The following RBFOX1 variants were observed in gnomAD, a reference collection of about 807,000 sequenced individuals.
RBFOX1 encodes RNA binding protein fox-1 homolog 1.
RBFOX1 carries 8 observed loss-of-function variants against 57.7 expected under a neutral mutation model. The observed-to-expected ratio is 0.14, with a 90% confidence interval of 0.08 to 0.25. RBFOX1 has a LOEUF of 0.25. RBFOX1 is among the 10% of genes least tolerant of loss of function. The pLI is 1.00. For synonymous variants in RBFOX1, 326 were observed against 222.4 expected (o/e 1.47, Z -4.15); for missense variants, 611 against 548.5 (o/e 1.11, Z -1.14).
At chr16:7,679,652 G>T (rs2074243214) in intron 14 of RBFOX1, among the ~76,000 whole-genome samples, 1 of 151,982 alleles carries the variant, frequency 6.6e-6, no homozygotes, top group Non-Finnish European at 1.5e-5. Flanking sequence ...AAGATTCAGG[G>T]ATCTTTGAAA....
chr16:5,866,614 G>C (rs2057348901), intron 3 of RBFOX1, among the ~76,000 whole-genome samples: 1 of 152,190 alleles, frequency 6.6e-6, no homozygotes, highest in Non-Finnish European at 1.5e-5. Flanking sequence ...ATATACAGTA[G>C]GCTTGTAGAT....
chr16:7,462,749 G>A (rs771607084), intron 4 of RBFOX1, among the ~76,000 whole-genome samples: 74 of 152,234 alleles, frequency 4.9e-4, no homozygotes, highest in Non-Finnish European at 8.1e-4. Flanking sequence ...CTGTCAGCAG[G>A]GAGATAGCCC....
Position 7,711,700 on chromosome 16 carries a change from A to C in RBFOX1, c.*955A>C. The C allele has an allele frequency of 6.6e-6, 1 of 152,660 alleles. No homozygotes were observed. The highest frequency in any genetic ancestry group is 2.1e-4 in the South Asian group (1 of 4,834). The allele number at this position is 152,660 out of a possible 1,614,324, so 9.5% of individuals were successfully genotyped here. A position where few individuals can be genotyped will look rare whatever the true frequency, so the allele number is the denominator to read the frequency against. ...TTACATCTGTGCAGTGGAGTTGTTA[A>C]GTTCTAGAAACAGTCTATGAAGCTT... On this transcript the variant is annotated 3_prime_UTR_variant, in exon 16 of 16. Transcript: ENST00000550418.
intron 2 of RBFOX1, among the ~76,000 whole-genome samples, chr16:6,498,980 A>G (rs2095847634): frequency 6.6e-6 from 1 of 152,220 alleles, no homozygotes; most frequent in East Asian, 1.9e-4. Flanking sequence ...AAAGCGACTT[A>G]TGGTTAATGC....
intron 2 of RBFOX1, among the ~76,000 whole-genome samples, chr16:5,507,449 G>T (rs961525024): frequency 1.3e-5 from 2 of 152,114 alleles, no homozygotes; most frequent in African/African-American, 4.8e-5. Flanking sequence ...GGGGGTTGGC[G>T]TGGGAATGGG....
chr16:6,341,478 T>A (rs1021597092), intron 2 of RBFOX1, among the ~76,000 whole-genome samples: 6 of 152,200 alleles, frequency 3.9e-5, no homozygotes, highest in African/African-American at 1.4e-4. Context: ...AGATTAATAA[T>A]GTTTACTAAA....
intron 2 of RBFOX1, among the ~76,000 whole-genome samples, chr16:5,542,124 G>C (rs2044980947): frequency 6.6e-6 from 1 of 152,080 alleles, no homozygotes; most frequent in African/African-American, 2.4e-5. Flanking sequence ...GTAGCCGTCA[G>C]GTCCAGAGCA....
In RBFOX1 at chr16:5,589,290, TGTG is replaced by T. The variant is rs1189354259; in HGVS notation, c.259-9608_259-9606del. Among the ~76,000 whole-genome samples, 24 of 152,218 alleles carry T rather than the reference TGTG, an allele frequency of 1.6e-4. No homozygotes were observed. In the East Asian group the frequency reaches 4.6e-3, roughly 29 times the overall value. On this transcript the variant is annotated intron_variant, in intron 2 of 2. Transcript: ENST00000585867. ...CCTTTGCATGGTTTGTACAAGGAAG[TGTG>T]GTGTGTGCTGGGGTCATTTGCCTGA...
At chr16:6,220,108 G>T (rs1477180217) in intron 1 of RBFOX1, among the ~76,000 whole-genome samples, 1 of 151,504 alleles carries the variant, frequency 6.6e-6, no homozygotes, top group Non-Finnish European at 1.5e-5. Flanking sequence ...ATATATAAGG[G>T]TATTTATCAT....
At chr16:6,629,804 T>G (rs1031446617) in intron 2 of RBFOX1, among the ~76,000 whole-genome samples, 1 of 152,234 alleles carries the variant, frequency 6.6e-6, no homozygotes, top group Admixed American at 6.5e-5. Flanking sequence ...CCACAGCCTC[T>G]CCATTTAAGA....
At chr16:6,815,840 C>T (rs1181686367) in intron 3 of RBFOX1, among the ~76,000 whole-genome samples, 1 of 152,160 alleles carries the variant, frequency 6.6e-6, no homozygotes, top group African/African-American at 2.4e-5. Context: ...GCTTAATTCT[C>T]ACAACATTTG....
At chr16:7,119,541 G>C (rs970284224) in intron 4 of RBFOX1, among the ~76,000 whole-genome samples, 3 of 151,946 alleles carry the variant, frequency 2.0e-5, no homozygotes, top group African/African-American at 7.3e-5. Flanking sequence ...GTTTCACTTA[G>C]ATATGTTTCA....
At chr16:5,262,666 A>G (rs1178244374) in intron 1 of RBFOX1, among the ~76,000 whole-genome samples, 1 of 152,146 alleles carries the variant, frequency 6.6e-6, no homozygotes, top group African/African-American at 2.4e-5. Context: ...TCTCTGGAGA[A>G]CCCAGAGTAA....
chr16:6,737,927 T>A (rs2070859329), intron 3 of RBFOX1, among the ~76,000 whole-genome samples: 1 of 152,122 alleles, frequency 6.6e-6, no homozygotes, highest in South Asian at 2.1e-4. Flanking sequence ...ATTTGTTAAA[T>A]AAGATAATGA....
At chr16:6,116,928 A>C (rs1476163664) in intron 1 of RBFOX1, among the ~76,000 whole-genome samples, 1 of 152,252 alleles carries the variant, frequency 6.6e-6, no homozygotes, top group African/African-American at 2.4e-5. Context: ...GAGATGCTGG[A>C]GGCTCTACAG....
intron 2 of RBFOX1, among the ~76,000 whole-genome samples, chr16:6,624,253 T>A (rs1039532618): frequency 6.6e-6 from 1 of 152,226 alleles, no homozygotes; most frequent in Non-Finnish European, 1.5e-5. Flanking sequence ...TTTGGGTCAG[T>A]TAAATATCTC....
chr16:5,329,337 A>T (rs889929466), intron 1 of RBFOX1, among the ~76,000 whole-genome samples: 7 of 152,202 alleles, frequency 4.6e-5, no homozygotes, highest in African/African-American at 1.7e-4. Context: ...GGAAGCAGAC[A>T]TGTCTTCACA....
chr16:6,908,303 C>G (rs766019786), intron 3 of RBFOX1, among the ~76,000 whole-genome samples: 3 of 151,722 alleles, frequency 2.0e-5, no homozygotes, highest in African/African-American at 4.8e-5. Flanking sequence ...CACCCCCAGC[C>G]TCTGACCATG....
chr16:6,988,743 GTTTGT>G lies in RBFOX1; in HGVS notation c.-15-63311_-15-63307del, dbSNP rs2090858869. 1.7e-4 allele frequency among the ~76,000 whole-genome samples: 7 copies of G among 41,842 alleles called. 1 individual carries two copies. The East Asian group carries it at 2.8e-3, about 17-fold the overall frequency. The allele number at this position is 41,842 out of a possible 152,430, so 27.4% of individuals were successfully genotyped here. ...TCACACCCAGCTAATTTTTTTTTTTGTTTGTTTGTTTTTTGTTTTTTGTTTTTTGT... is the reference window on the plus strand; with the variant it reads ...TCACACCCAGCTAATTTTTTTTTTTGTTGTTTTTTGTTTTTTGTTTTTTGT... On this transcript the variant is annotated intron_variant, in intron 3 of 15. Coordinates refer to ENST00000550418, the MANE Select transcript of RBFOX1 (RefSeq NM_018723.4).
Sources: allele counts gnomAD v4.1 joint callset (sites outside exome capture counted in the v4.1 genomes callset), GRCh38; gene constraint gnomAD v4.1.1; transcripts MANE v1.5; gene names NCBI Gene and HGNC (gene_info 2026-07-23, HGNC 2026-07-21).